Variants in LNX1 observed in about 807,000 individuals in gnomAD.
The protein encoded by LNX1 is E3 ubiquitin-protein ligase LNX.
LNX1 carries 54 observed loss-of-function variants against 68.4 expected under a neutral mutation model. That is an observed-to-expected ratio of 0.79 (90% CI 0.63 to 0.99). The LOEUF (loss-of-function observed/expected upper bound fraction) is 0.99. Ranked by LOEUF, LNX1 falls within the 50% of genes least tolerant of loss-of-function variation. LNX1 has a pLI of 0.00. For synonymous variants in LNX1, 336 were observed against 350.0 expected (o/e 0.96, Z 0.45); for missense variants, 906 against 926.4 (o/e 0.98, Z 0.29).
At chr4:53,493,110 C>G (rs1724819923) in intron 6 of LNX1, among the ~76,000 whole-genome samples, 1 of 152,142 alleles carries the variant, frequency 6.6e-6, no homozygotes, top group African/African-American at 2.4e-5. Context: ...GCTGGAATTA[C>G]AGGTGCCTGC....
chr4:53,520,486 G>A (rs1274387132), intron 2 of LNX1, among the ~76,000 whole-genome samples: 1 of 152,146 alleles, frequency 6.6e-6, no homozygotes, highest in African/African-American at 2.4e-5. Context: ...GGCATCTTTG[G>A]GGTCACCGAG....
chr4:53,527,209 A>G (rs1727682359), intron 2 of LNX1, among the ~76,000 whole-genome samples: 1 of 152,226 alleles, frequency 6.6e-6, no homozygotes, highest in African/African-American at 2.4e-5. Flanking sequence ...TTATAAACAT[A>G]TGAATTTCAA....
At chr4:53,576,405 C>T (rs1295432661) in intron 1 of LNX1, 1 of 1,530,172 alleles carries the variant, frequency 6.5e-7, no homozygotes, top group Non-Finnish European at 8.8e-7. Flanking sequence ...CATGACCAGT[C>T]CTATTCAGGT....
intron 4 of LNX1, 111 bp from the exon 5 acceptor site, chr4:53,498,954 T>A: frequency 1.3e-6 from 1 of 774,458 alleles, no homozygotes; most frequent in Admixed American, 2.2e-5. Flanking sequence ...TTTTTCCTCA[T>A]ACATGTTTTC....
At chr4:53,624,496 A>G (rs1734003835) in intron 1 of LNX1, among the ~76,000 whole-genome samples, 1 of 152,236 alleles carries the variant, frequency 6.6e-6, no homozygotes, top group Admixed American at 6.5e-5. Flanking sequence ...TGCAACTGTG[A>G]GTCCATTAAA....
At chr4:53,543,893 A>G (rs1480673228) in intron 2 of LNX1, among the ~76,000 whole-genome samples, 2 of 147,904 alleles carry the variant, frequency 1.4e-5, no homozygotes. Flanking sequence ...TGGGGGATTA[A>G]AAAACAAAAA....
chr4:53,647,396 C>T (rs1475306539), intron 1 of LNX1, among the ~76,000 whole-genome samples: 2 of 152,130 alleles, frequency 1.3e-5, no homozygotes, highest in African/African-American at 4.8e-5. Flanking sequence ...CTTTTTCTCC[C>T]TCTCTTTTTC....
chr4:53,592,490 C>A (rs1170815549), upstream of LNX1, among the ~76,000 whole-genome samples: 4 of 152,154 alleles, frequency 2.6e-5, no homozygotes, highest in Non-Finnish European at 5.9e-5. Flanking sequence ...TGAAACGCTG[C>A]GTATTTTTAC....
intron 1 of LNX1, among the ~76,000 whole-genome samples, chr4:53,622,810 A>G (rs1733937570): frequency 6.6e-6 from 1 of 152,242 alleles, no homozygotes; most frequent in Non-Finnish European, 1.5e-5. Flanking sequence ...ATGTGTTACC[A>G]GAAAGATTGC....
intron 6 of LNX1, among the ~76,000 whole-genome samples, chr4:53,489,364 T>G (rs780581305): frequency 6.6e-6 from 1 of 152,164 alleles, no homozygotes; most frequent in Non-Finnish European, 1.5e-5. Flanking sequence ...TATCTTTAGA[T>G]GCAAAGACAT....
At chr4:53,568,584 C>T (rs1730889175) in intron 2 of LNX1, among the ~76,000 whole-genome samples, 1 of 151,330 alleles carries the variant, frequency 6.6e-6, no homozygotes, top group Admixed American at 6.6e-5. Flanking sequence ...TGAAAACGGG[C>T]ACAAGACAGG....
intron 9 of LNX1, among the ~76,000 whole-genome samples, chr4:53,467,858 T>C (rs1250173657): frequency 4.6e-5 from 7 of 152,176 alleles, no homozygotes; most frequent in Admixed American, 1.3e-4. Flanking sequence ...ACCAAATCTA[T>C]GTCTGATTGG....
At chr4:53,496,970 T>A (rs1725115065) in intron 5 of LNX1, among the ~76,000 whole-genome samples, 1 of 152,134 alleles carries the variant, frequency 6.6e-6, no homozygotes, top group Admixed American at 6.5e-5. Flanking sequence ...ATACTGTGTG[T>A]GTGCGGATGG....
intron 9 of LNX1, among the ~76,000 whole-genome samples, chr4:53,476,229 C>G (rs1723552965): frequency 6.6e-6 from 1 of 152,088 alleles, no homozygotes; most frequent in Admixed American, 6.6e-5. Flanking sequence ...ACCCAGGAGG[C>G]CAAGGTTGCA....
chr4:53,583,434 G>A (rs17717891), intron 1 of LNX1, among the ~76,000 whole-genome samples: 12,916 of 152,220 alleles, frequency 0.085, 617 homozygotes, highest in Non-Finnish European at 0.12. Context: ...CAAGGTCGTG[G>A]TTAGCTCTGC....
chr4:53,513,148 C>A (rs922058417), intron 2 of LNX1, among the ~76,000 whole-genome samples: 2 of 152,236 alleles, frequency 1.3e-5, no homozygotes, highest in African/African-American at 4.8e-5. Flanking sequence ...ATGTTCCCAT[C>A]GCTTCCAGGC....
At chr4:53,553,771 C>A (rs1435525000) in intron 2 of LNX1, among the ~76,000 whole-genome samples, 1 of 152,184 alleles carries the variant, frequency 6.6e-6, no homozygotes, top group Non-Finnish European at 1.5e-5. Context: ...TGGGACTCCA[C>A]ACCAAATACT....
intron 2 of LNX1, among the ~76,000 whole-genome samples, chr4:53,546,556 T>C (rs1729133527): frequency 6.6e-6 from 1 of 152,248 alleles, no homozygotes; most frequent in African/African-American, 2.4e-5. Context: ...CAAGGTCACA[T>C]AGCTTGTTAC....
intron 5 of LNX1, 141 bp from the exon 6 acceptor site, chr4:53,496,535 C>A (rs368779316): frequency 2.3e-5 from 24 of 1,053,408 alleles, no homozygotes; most frequent in South Asian, 5.1e-5. Flanking sequence ...AATAACCGCA[C>A]CTTCCAACAG....
Sources: allele counts gnomAD v4.1 joint callset (sites outside exome capture counted in the v4.1 genomes callset), GRCh38; gene constraint gnomAD v4.1.1; transcripts MANE v1.5; gene names NCBI Gene and HGNC (gene_info 2026-07-23, HGNC 2026-07-21).